The following TYR variants were observed in gnomAD, a reference collection of about 807,000 sequenced individuals.
TYR encodes LB24-AB.
Under a neutral mutation model 51.5 loss-of-function variants are expected in TYR, and 58 were observed. The observed-to-expected ratio is 1.13, with a 90% CI of 0.91 to 1.40. The LOEUF (loss-of-function observed/expected upper bound fraction) is 1.40, where lower values mean the gene tolerates loss of function less well. TYR is among the 40% of genes most tolerant of loss of function. The pLI is 0.00. For synonymous variants in TYR, 263 were observed against 235.2 expected, an observed-to-expected ratio of 1.12 and a Z score of -1.08; for missense variants, 732 against 647.4, an observed-to-expected ratio of 1.13 and a Z score of -1.42.
intron 3 of TYR, among the ~76,000 whole-genome samples, chr11:89,238,310 G>C (rs34486762): frequency 0.039 from 6,000 of 151,968 alleles, 157 homozygotes; most frequent in Middle Eastern, 0.065. Flanking sequence ...TATATATTTA[G>C]TAAGTACAAT....
At chr11:89,269,321 C>T (rs536805643) in intron 3 of TYR, among the ~76,000 whole-genome samples, 3 of 151,940 alleles carry the variant, frequency 2.0e-5, no homozygotes, top group Non-Finnish European at 4.4e-5. Flanking sequence ...GAGACATTTT[C>T]TAGATTCATC....
At chr11:89,272,132 G>T (rs1207815522) in intron 3 of TYR, among the ~76,000 whole-genome samples, 1 of 151,842 alleles carries the variant, frequency 6.6e-6, no homozygotes, top group Non-Finnish European at 1.5e-5. Flanking sequence ...GTTCTTAATT[G>T]TATCTAAATA....
intron 2 of TYR, among the ~76,000 whole-genome samples, chr11:89,218,464 A>C (rs2135274925): frequency 6.6e-6 from 1 of 152,338 alleles, no homozygotes; most frequent in Middle Eastern, 3.4e-3. Flanking sequence ...CATTAAATGA[A>C]GGAAGCTAAC....
intron 3 of TYR, among the ~76,000 whole-genome samples, chr11:89,254,834 G>A (rs544643337): frequency 6.6e-6 from 1 of 151,798 alleles, no homozygotes; most frequent in South Asian, 2.1e-4. Context: ...GTCCTGCTGT[G>A]ATATTGGTTA....
intron 2 of TYR, among the ~76,000 whole-genome samples, chr11:89,202,622 T>TAC (rs10526067): frequency 0.26 from 37,322 of 141,264 alleles, 6,366 homozygotes; most frequent in Middle Eastern, 0.42. Context: ...ATTTTCATAA[T>TAC]ACACACACAC....
intron 2 of TYR, among the ~76,000 whole-genome samples, chr11:89,207,217 G>A (rs1030145339): frequency 6.6e-5 from 10 of 151,888 alleles, no homozygotes; most frequent in Admixed American, 3.9e-4. Context: ...TAAAATTGAC[G>A]AATTAGCAAG....
intron 3 of TYR, among the ~76,000 whole-genome samples, chr11:89,258,802 G>A (rs991912292): frequency 6.6e-6 from 1 of 151,994 alleles, no homozygotes. Flanking sequence ...CCACTATACA[G>A]GGTCAAATCT....
chr11:89,198,754 C>CATATATATATATATAT lies in TYR; in HGVS notation c.1036+7337_1036+7352dup, dbSNP rs144458836. ...TTTACTCAAAAGGTAACTTTTTTCTCATATATATATATATATTTTTATACT... is the reference window on the plus strand; with the variant it reads ...TTTACTCAAAAGGTAACTTTTTTCTCATATATATATATATATATATATATATATATATTTTTATACT... On this transcript the variant is annotated intron_variant, in intron 2 of 4. Coordinates refer to ENST00000263321, the MANE Select transcript of TYR (RefSeq NM_000372.5). Among the ~76,000 whole-genome samples, 421 of 146,370 alleles carry CATATATATATATATAT rather than the reference C, an allele frequency of 2.9e-3. 4 individuals carry two copies. The highest frequency in any genetic ancestry group is 9.9e-3 in the African/African-American group (374 of 37,792).
rs1400722833 is a variant in TYR at position 89,178,355 on chromosome 11, T to A, written c.402T>A (p.Phe134Leu). Residue 134 changes from phenylalanine to leucine, a missense_variant, in exon 1 of 5, where the codon TTT (phenylalanine) becomes TTA (leucine). Transcript: ENST00000263321. ...TGAGTGCCCCAGAGAAGGACAAATT[T>A]TTTGCCTACCTCACTTTAGCAAAGC... Reference protein sequence around the residue: ...FDLSAPEKDKFFAYLTLAKHT... With the variant: ...FDLSAPEKDKLFAYLTLAKHT... The A allele has an allele frequency of 6.2e-7, 1 of 1,614,014 alleles. No homozygotes were observed. The highest frequency in any genetic ancestry group is 1.3e-5 in the African/African-American group (1 of 74,902).
intron 3 of TYR, among the ~76,000 whole-genome samples, chr11:89,244,648 T>C (rs1279622058): frequency 1.3e-5 from 2 of 152,172 alleles, no homozygotes; most frequent in Non-Finnish European, 2.9e-5. Flanking sequence ...GCACCTTCGA[T>C]AAATGTCAGA....
intron 3 of TYR, among the ~76,000 whole-genome samples, chr11:89,250,207 G>T (rs1210897542): frequency 6.6e-6 from 1 of 151,988 alleles, no homozygotes; most frequent in Non-Finnish European, 1.5e-5. Flanking sequence ...GAACTATAGT[G>T]TCATGAGTTT....
At chr11:89,211,881 G>A (rs191006030) in intron 2 of TYR, among the ~76,000 whole-genome samples, 111 of 152,230 alleles carry the variant, frequency 7.3e-4, no homozygotes, top group African/African-American at 2.5e-3. Context: ...CAGAAATAAA[G>A]TTGTTCTTTA....
chr11:89,227,017 T>C (rs1255098523), intron 2 of TYR, among the ~76,000 whole-genome samples: 1 of 152,124 alleles, frequency 6.6e-6, no homozygotes, highest in African/African-American at 2.4e-5. Context: ...TATCTTAGCG[T>C]CTAATTGATA....
chr11:89,260,475 T>A (rs540923007), intron 3 of TYR, among the ~76,000 whole-genome samples: 1 of 152,046 alleles, frequency 6.6e-6, no homozygotes, highest in East Asian at 1.9e-4. Context: ...TCTTCAAATA[T>A]GAAAGAGAAA....
intron 1 of TYR, among the ~76,000 whole-genome samples, chr11:89,182,740 T>G (rs1943318261): frequency 6.6e-6 from 1 of 152,136 alleles, no homozygotes; most frequent in African/African-American, 2.4e-5. Context: ...GGAGGGTTGC[T>G]TAATAACATT....
chr11:89,256,686 G>T (rs577974403), intron 3 of TYR, among the ~76,000 whole-genome samples: 4 of 151,792 alleles, frequency 2.6e-5, no homozygotes, highest in Non-Finnish European at 4.4e-5. Flanking sequence ...CCTAGGACTG[G>T]GTAAAAATAA....
intron 1 of TYR, among the ~76,000 whole-genome samples, chr11:89,180,148 G>GA (rs1055479294): frequency 2.6e-5 from 4 of 152,228 alleles, no homozygotes; most frequent in South Asian, 2.1e-4. Context: ...GGAAAGGCTA[G>GA]AAAAAATGTG....
At chr11:89,225,064 T>C (rs1432481357) in intron 2 of TYR, among the ~76,000 whole-genome samples, 1 of 152,036 alleles carries the variant, frequency 6.6e-6, no homozygotes, top group Non-Finnish European at 1.5e-5. Flanking sequence ...TGGCAGTTAT[T>C]TATTTTTTTA....
At chr11:89,282,022 A>T (rs1944726565) in intron 3 of TYR, among the ~76,000 whole-genome samples, 1 of 151,850 alleles carries the variant, frequency 6.6e-6, no homozygotes, top group East Asian at 1.9e-4. Context: ...GGTGAAATTA[A>T]CTGAAGTTGA....
Sources: allele counts gnomAD v4.1 joint callset (sites outside exome capture counted in the v4.1 genomes callset), GRCh38; gene constraint gnomAD v4.1.1; transcripts MANE v1.5; gene names NCBI Gene and HGNC (gene_info 2026-07-23, HGNC 2026-07-21).